PIBF1: variants seen among roughly 807,000 people sequenced by gnomAD.
PIBF1 encodes progesterone-induced-blocking factor 1.
Under a neutral mutation model 112.5 loss-of-function variants are expected in PIBF1, and 90 were observed. The observed-to-expected ratio is 0.80, with a 90% CI of 0.67 to 0.95. The LOEUF (loss-of-function observed/expected upper bound fraction) is 0.95, where lower values mean the gene tolerates loss of function less well. PIBF1 is among the 40% of genes least tolerant of loss of function. The pLI is 0.00. For missense variants in PIBF1, 915 were observed against 852.3 expected (o/e 1.07, Z -0.92); for synonymous variants, 301 against 288.6 (o/e 1.04, Z -0.44).
intron 9 of PIBF1, among the ~76,000 whole-genome samples, chr13:72,844,791 A>ACACACACACACACACG (rs1566348767): frequency 3.1e-5 from 4 of 131,128 alleles, no homozygotes; most frequent in African/African-American, 1.2e-4. Context: ...ACACACACAC[A>ACACACACACACACACG]CACACACACG....
chr13:73,011,611 G>GA (rs947057036), intron 17 of PIBF1, among the ~76,000 whole-genome samples: 7 of 151,688 alleles, frequency 4.6e-5, no homozygotes, highest in South Asian at 4.2e-4. Context: ...CCTAAGAAGG[G>GA]AAAAAAAACT....
chr13:72,801,570 T>C (rs1363472541), intron 5 of PIBF1, among the ~76,000 whole-genome samples: 2 of 152,206 alleles, frequency 1.3e-5, no homozygotes, highest in African/African-American at 4.8e-5. Flanking sequence ...AAATCATAAC[T>C]GCATAAAATT....
chr13:72,846,705 C>A (rs564784295), intron 9 of PIBF1, among the ~76,000 whole-genome samples: 147 of 152,278 alleles, frequency 9.7e-4, no homozygotes, highest in African/African-American at 3.3e-3. Context: ...ACCATCTACT[C>A]CTGATGATAC....
intron 11 of PIBF1, among the ~76,000 whole-genome samples, chr13:72,900,250 A>G (rs2040433905): frequency 6.6e-6 from 1 of 152,142 alleles, no homozygotes; most frequent in African/African-American, 2.4e-5. Flanking sequence ...TAGAAAAAAA[A>G]ATTCTAAAAT....
chr13:72,790,864 T>C (rs1177056851), intron 2 of PIBF1, among the ~76,000 whole-genome samples: 2 of 152,128 alleles, frequency 1.3e-5, no homozygotes, highest in African/African-American at 4.8e-5. Flanking sequence ...AAAAACTATA[T>C]TGAAGTTTTG....
chr13:72,928,016 C>CATATATACAT (rs2041573050), intron 13 of PIBF1, among the ~76,000 whole-genome samples: 4 of 53,980 alleles, frequency 7.4e-5, no homozygotes, highest in East Asian at 5.7e-4. Flanking sequence ...CATATATATA[C>CATATATACAT]ATATATATAC....
chr13:72,916,397 A>AAAAT (rs1555313919), intron 12 of PIBF1, among the ~76,000 whole-genome samples: 1 of 138,152 alleles, frequency 7.2e-6, no homozygotes, highest in African/African-American at 3.1e-5. Context: ...CATCTCAAAA[A>AAAAT]ATATATATAT....
At chr13:72,959,772 G>A (rs532163902) in intron 14 of PIBF1, among the ~76,000 whole-genome samples, 1 of 152,164 alleles carries the variant, frequency 6.6e-6, no homozygotes, top group Admixed American at 6.5e-5. Flanking sequence ...TGAATCATAT[G>A]TACAGGTTAT....
At chr13:72,909,739 G>T (rs1217360027) in intron 12 of PIBF1, among the ~76,000 whole-genome samples, 4 of 151,974 alleles carry the variant, frequency 2.6e-5, no homozygotes, top group Non-Finnish European at 5.9e-5. Flanking sequence ...TGATCTGCCC[G>T]CCTCGACCTC....
At chr13:72,824,261 C>A (rs1175043010) in intron 6 of PIBF1, among the ~76,000 whole-genome samples, 1 of 151,628 alleles carries the variant, frequency 6.6e-6, no homozygotes, top group Non-Finnish European at 1.5e-5. Context: ...AGGTGATCTG[C>A]CCACCTTGGC....
chr13:72,836,567 G>C (rs1020453700), intron 9 of PIBF1, among the ~76,000 whole-genome samples: 1 of 152,122 alleles, frequency 6.6e-6, no homozygotes, highest in Non-Finnish European at 1.5e-5. Flanking sequence ...TCCTTTGGTA[G>C]TAAATTAACA....
chr13:72,944,406 C>A (rs2042092557), intron 14 of PIBF1, among the ~76,000 whole-genome samples: 1 of 148,406 alleles, frequency 6.7e-6, no homozygotes, highest in African/African-American at 2.5e-5. Flanking sequence ...GAGATTGCAC[C>A]ACCGCAGGAC....
At chr13:73,002,966 C>T (rs2043917871) in intron 17 of PIBF1, among the ~76,000 whole-genome samples, 1 of 106,208 alleles carries the variant, frequency 9.4e-6, no homozygotes, top group African/African-American at 3.7e-5. Context: ...CTGGACGACA[C>T]AGCAAGACTC....
At chr13:73,012,122 C>A (rs111537727) in intron 17 of PIBF1, among the ~76,000 whole-genome samples, 198 of 152,132 alleles carry the variant, frequency 1.3e-3, no homozygotes, top group Non-Finnish European at 1.6e-3. Flanking sequence ...GAGGCCGAGG[C>A]GAGCAGATCA....
intron 16 of PIBF1, among the ~76,000 whole-genome samples, chr13:72,993,618 C>A (rs1245046264): frequency 6.6e-6 from 1 of 150,754 alleles, no homozygotes; most frequent in Non-Finnish European, 1.5e-5. Context: ...TGGTGACGGG[C>A]GCCTGTAGTC....
intron 17 of PIBF1, among the ~76,000 whole-genome samples, chr13:73,004,076 T>C (rs2043956160): frequency 6.6e-6 from 1 of 152,170 alleles, no homozygotes; most frequent in Non-Finnish European, 1.5e-5. Flanking sequence ...GAATAGACAC[T>C]GTGGTTTTGG....
intron 6 of PIBF1, among the ~76,000 whole-genome samples, chr13:72,825,393 G>A (rs951110086): frequency 3.3e-5 from 5 of 152,236 alleles, no homozygotes; most frequent in African/African-American, 1.2e-4. Flanking sequence ...AAATGCACAT[G>A]TATGAGTATG....
chr13:72,959,680 G>A (rs942022669), intron 14 of PIBF1, among the ~76,000 whole-genome samples: 2 of 152,176 alleles, frequency 1.3e-5, no homozygotes, highest in Non-Finnish European at 2.9e-5. Context: ...GAGAAAAATT[G>A]TAATTTTAGA....
At position 72,783,458 on chromosome 13, in the gene PIBF1, A is replaced by G. The variant is rs767629713; in HGVS notation, c.-12A>G. The G allele has an allele frequency of 6.5e-6, 10 of 1,548,772 alleles. No homozygotes were observed. The highest frequency in any genetic ancestry group is 7.1e-6 in the Non-Finnish European group (8 of 1,129,406). ...TCAAATTAGAGAAGAAAACTGATCC[A>G]TAATAATAAAAATGTCTCGAAAAAT... is the stretch of plus-strand genomic sequence containing the variant. On this transcript the variant is annotated 5_prime_UTR_variant, in exon 2 of 18. Coordinates refer to ENST00000326291, the MANE Select transcript of PIBF1 (RefSeq NM_006346.4).
Sources: gnomAD v4.1 joint callset for allele counts (sites outside exome capture counted in the v4.1 genomes callset) on GRCh38, gnomAD v4.1.1 for gene constraint, MANE v1.5 for transcripts, NCBI Gene and HGNC (gene_info 2026-07-23, HGNC 2026-07-21) for gene names.